Variants in TRAPPC3L observed in about 807,000 individuals in gnomAD.
TRAPPC3L encodes trafficking protein particle complex subunit 3-like protein.
Under a neutral mutation model 23.7 loss-of-function variants are expected in TRAPPC3L, and 23 were observed. The observed-to-expected ratio is 0.97, with a 90% CI of 0.70 to 1.37. The LOEUF is 1.37. Among genes scored for constraint, TRAPPC3L ranks in the 40% most tolerant of loss-of-function variants. TRAPPC3L has a pLI of 0.00. For synonymous variants in TRAPPC3L, 81 were observed against 77.9 expected (o/e 1.04, Z -0.21); for missense variants, 212 against 216.8 (o/e 0.98, Z 0.14).
intron 3 of TRAPPC3L, among the ~76,000 whole-genome samples, chr6:116,530,168 GA>G (rs531357255): frequency 6.0e-5 from 9 of 148,792 alleles, no homozygotes; most frequent in Non-Finnish European, 1.2e-4. Context: ...AATATAATTA[GA>G]AAAAAAAAGC....
chr6:116,506,548 T>G (rs4945558), intron 3 of TRAPPC3L, among the ~76,000 whole-genome samples: 62,682 of 152,042 alleles, frequency 0.41, 13,763 homozygotes, highest in East Asian at 0.56. Context: ...CATGCTACTA[T>G]AAAGACACAT....
At chr6:116,545,227 T>C (rs1434870869) in intron 1 of TRAPPC3L, among the ~76,000 whole-genome samples, 1 of 151,832 alleles carries the variant, frequency 6.6e-6, no homozygotes, top group East Asian at 1.9e-4. Flanking sequence ...GGTGAAAAAA[T>C]TGACACTCAT....
rs540894542 is a variant in TRAPPC3L at position 116,542,344 on chromosome 6, GA to G, written c.140+958del. ...AAAATAAATTATAATTTTTTTAAAAGAAAAAAATATGCATACAGAAAGAAGA... is the reference window on the plus strand; with the variant it reads ...AAAATAAATTATAATTTTTTTAAAAGAAAAAATATGCATACAGAAAGAAGA... On this transcript the variant is annotated intron_variant, in intron 2 of 4. Transcript: ENST00000368602. Among the ~76,000 whole-genome samples, 654 of 151,940 alleles carry G rather than the reference GA, an allele frequency of 4.3e-3. 5 individuals are homozygous for G. The highest frequency in any genetic ancestry group is 6.3e-3 in the Admixed American group (96 of 15,252).
intron 3 of TRAPPC3L, among the ~76,000 whole-genome samples, chr6:116,530,394 G>A (rs1228467065): frequency 6.6e-6 from 1 of 152,064 alleles, no homozygotes; most frequent in Non-Finnish European, 1.5e-5. Flanking sequence ...CAAGAGAAAG[G>A]ACTGAAAAAG....
chr6:116,515,407 C>A (rs1167199968), intron 3 of TRAPPC3L, among the ~76,000 whole-genome samples: 2 of 151,974 alleles, frequency 1.3e-5, no homozygotes, highest in African/African-American at 4.8e-5. Context: ...TTAGGTAAAC[C>A]CTAACTTTAT....
intron 1 of TRAPPC3L, among the ~76,000 whole-genome samples, chr6:116,544,346 C>A (rs72961119): frequency 0.072 from 10,878 of 152,042 alleles, 643 homozygotes; most frequent in African/African-American, 0.17. Flanking sequence ...GATGGGTGGG[C>A]ACTATTATAT....
intron 3 of TRAPPC3L, among the ~76,000 whole-genome samples, chr6:116,537,691 T>C (rs143688229): frequency 3.3e-5 from 5 of 152,322 alleles, no homozygotes; most frequent in South Asian, 2.1e-4. Flanking sequence ...CTTAAATGCA[T>C]TGGGCAAGGT....
Position 116,545,644 on chromosome 6 carries a change from T to G in TRAPPC3L, c.-130A>C. ...CTCGCTTTGAGACAGGAGTGCTGCT[T>G]CTGCACTCTGCTGCTTTTGCTCTTT... On this transcript the variant is annotated 5_prime_UTR_variant, in exon 1 of 5. Transcript: ENST00000368602. 1 of 671,388 alleles carries G rather than the reference T, an allele frequency of 1.5e-6. No individual in the cohort carries two copies. Among genetic ancestry groups the G allele is most frequent in the Non-Finnish European group, 2.4e-6 (1 of 415,706 alleles). 41.6% of individuals were successfully genotyped at this position (671,388 alleles called of 1,614,324 possible). A position where few individuals can be genotyped will look rare whatever the true frequency, so the allele number is the denominator to read the frequency against.
chr6:116,502,494 G>A (rs1019404871), intron 3 of TRAPPC3L, among the ~76,000 whole-genome samples: 2 of 152,198 alleles, frequency 1.3e-5, no homozygotes, highest in African/African-American at 4.8e-5. Flanking sequence ...AGCAAGGCAG[G>A]TCAGCATTCA....
At chr6:116,543,267 A>G (rs777474333) in intron 2 of TRAPPC3L, 36 bp downstream of exon 2, 15 of 1,470,130 alleles carry the variant, frequency 1.0e-5, no homozygotes, top group African/African-American at 1.4e-5. Flanking sequence ...GTAAGAAACA[A>G]CAGCCATTCA....
chr6:116,500,650 T>C lies in TRAPPC3L; in HGVS notation c.257A>G (p.Tyr86Cys), dbSNP rs1771897196. ...DIIAQVAFKM[Y>C]LGITPSVTCN... ...GGTCACACTTGGTGTAATTCCCAGG[T>C]ACATCTTGAAAGCAACCTGATAAGA... is the stretch of plus-strand genomic sequence containing the variant. Residue 86 changes from tyrosine (Y) to cysteine (C), a missense_variant, in exon 4 of 5, where the codon TAC becomes TGC. Transcript: ENST00000368602. 6.4e-7 allele frequency: 1 copy of C among 1,551,318 alleles called. No individual in the cohort carries two copies.
At chr6:116,519,772 A>C (rs1180855230) in intron 3 of TRAPPC3L, 2 of 152,204 alleles carry the variant, frequency 1.3e-5, no homozygotes, top group Non-Finnish European at 2.9e-5. Flanking sequence ...TCAAGGAAAA[A>C]TTTCATGGCA....
chr6:116,497,772 C>T (rs528380285), intron 4 of TRAPPC3L, among the ~76,000 whole-genome samples: 106 of 152,126 alleles, frequency 7.0e-4, no homozygotes, highest in African/African-American at 2.5e-3. Flanking sequence ...TGTATTTGTT[C>T]AGAGTTATTT....
intron 3 of TRAPPC3L, 97 bp from the exon 4 acceptor site, chr6:116,500,763 G>A (rs1771899258): frequency 9.3e-7 from 1 of 1,070,664 alleles, no homozygotes; most frequent in East Asian, 2.6e-5. Flanking sequence ...GCAGCACAAT[G>A]GTTAAGCACA....
At chr6:116,504,259 G>T (rs999656547) in intron 3 of TRAPPC3L, among the ~76,000 whole-genome samples, 1 of 152,242 alleles carries the variant, frequency 6.6e-6, no homozygotes, top group East Asian at 1.9e-4. Context: ...ACACCTCTAC[G>T]CAAATAAACT....
At chr6:116,519,835 A>G (rs997371036) in intron 3 of TRAPPC3L, 2 of 152,188 alleles carry the variant, frequency 1.3e-5, no homozygotes, top group Non-Finnish European at 2.9e-5. Flanking sequence ...GTACACATAT[A>G]TATATGATTC....
chr6:116,509,282 C>T (rs1010537289), intron 3 of TRAPPC3L, among the ~76,000 whole-genome samples: 2 of 152,056 alleles, frequency 1.3e-5, no homozygotes, highest in African/African-American at 4.8e-5. Context: ...AAGCAATCTA[C>T]AGATTCAGTG....
At chr6:116,517,242 C>G (rs566112766) in intron 3 of TRAPPC3L, 1 of 152,058 alleles carries the variant, frequency 6.6e-6, no homozygotes, top group Non-Finnish European at 1.5e-5. Flanking sequence ...AACATTCAGA[C>G]TATAGTAGGG....
intron 3 of TRAPPC3L, among the ~76,000 whole-genome samples, chr6:116,532,949 G>A (rs1272801681): frequency 6.6e-6 from 1 of 152,072 alleles, no homozygotes; most frequent in African/African-American, 2.4e-5. Flanking sequence ...TCTCCCTTTG[G>A]CACAGAAAGA....
Sources: gnomAD v4.1 joint callset for allele counts (sites outside exome capture counted in the v4.1 genomes callset) on GRCh38, gnomAD v4.1.1 for gene constraint, MANE v1.5 for transcripts, NCBI Gene and HGNC (gene_info 2026-07-23, HGNC 2026-07-21) for gene names.